Variants in TRHDE observed in about 807,000 individuals in gnomAD.
TRHDE encodes thyrotropin-releasing hormone-degrading ectoenzyme.
A neutral mutation model predicts 125.7 loss-of-function variants in TRHDE; 72 were observed. The observed-to-expected ratio is 0.57, with a 90% CI of 0.47 to 0.70. The LOEUF (loss-of-function observed/expected upper bound fraction) is 0.70. Among genes scored for constraint, TRHDE ranks in the 30% least tolerant of loss-of-function variants. The pLI, the probability that TRHDE is intolerant of heterozygous loss-of-function variation, is 0.00. For synonymous variants in TRHDE, 509 were observed against 509.1 expected (o/e 1.00, Z 0.00); for missense variants, 1,110 against 1,327.1 (o/e 0.84, Z 2.54).
chr12:72,322,614 G>GAT (rs969394632), intron 2 of TRHDE, among the ~76,000 whole-genome samples: 5 of 152,082 alleles, frequency 3.3e-5, no homozygotes, highest in African/African-American at 1.2e-4. Context: ...CAGGGACAAT[G>GAT]ATTCAGTATT....
intron 2 of TRHDE, among the ~76,000 whole-genome samples, chr12:72,114,795 G>A (rs867163029): frequency 2.0e-5 from 3 of 152,014 alleles, no homozygotes; most frequent in African/African-American, 7.2e-5. Context: ...GTAAGGAGGA[G>A]AACAGAGGCT....
intron 3 of TRHDE, among the ~76,000 whole-genome samples, chr12:72,383,295 C>T (rs1044158569): frequency 3.3e-5 from 5 of 151,138 alleles, no homozygotes; most frequent in African/African-American, 4.9e-5. Context: ...AAAAGCATAT[C>T]GATAACAATG....
At chr12:72,123,013 C>T (rs1341673055) in intron 2 of TRHDE, among the ~76,000 whole-genome samples, 1 of 152,060 alleles carries the variant, frequency 6.6e-6, no homozygotes, top group African/African-American at 2.4e-5. Context: ...AGTCCTAATC[C>T]CTGGTTGCAA....
At chr12:72,216,179 A>G (rs1877886749) in intron 2 of TRHDE, among the ~76,000 whole-genome samples, 1 of 152,172 alleles carries the variant, frequency 6.6e-6, no homozygotes, top group Non-Finnish European at 1.5e-5. Flanking sequence ...AAATCTAGTG[A>G]ATAAGGATAA....
chr12:72,413,235 T>C (rs1053822511), intron 3 of TRHDE, among the ~76,000 whole-genome samples: 2 of 151,976 alleles, frequency 1.3e-5, no homozygotes, highest in Admixed American at 6.6e-5. Context: ...TTCTTTTCAG[T>C]CTGTGTTTAT....
chr12:72,219,764 A>G (rs1248884736), intron 2 of TRHDE, among the ~76,000 whole-genome samples: 1 of 152,084 alleles, frequency 6.6e-6, no homozygotes, highest in Non-Finnish European at 1.5e-5. Flanking sequence ...TATTTATTTC[A>G]TGTGTGTGTT....
chr12:72,117,993 A>G (rs964936191), intron 2 of TRHDE, among the ~76,000 whole-genome samples: 1 of 151,796 alleles, frequency 6.6e-6, no homozygotes. Context: ...AGTTTTTCCA[A>G]ATATAAGATC....
chr12:72,354,953 A>G (rs1193068366), intron 2 of TRHDE, among the ~76,000 whole-genome samples: 4 of 151,436 alleles, frequency 2.6e-5, no homozygotes, highest in African/African-American at 4.8e-5. Flanking sequence ...GAATTTGCAG[A>G]GTAGAGTGGA....
At chr12:72,481,560 C>CTT (rs145153780) in intron 5 of TRHDE, among the ~76,000 whole-genome samples, 18 of 134,092 alleles carry the variant, frequency 1.3e-4, no homozygotes, top group African/African-American at 4.0e-4. Context: ...TCTCTACAGT[C>CTT]TTTTTTTTTT....
At chr12:72,525,390 CAA>C (rs1446761060) in intron 6 of TRHDE, among the ~76,000 whole-genome samples, 4 of 151,826 alleles carry the variant, frequency 2.6e-5, no homozygotes, top group Non-Finnish European at 5.9e-5. Flanking sequence ...CTAAAAATAT[CAA>C]GTCTTTTAAA....
intron 2 of TRHDE, among the ~76,000 whole-genome samples, chr12:72,315,632 G>C (rs568616315): frequency 2.6e-5 from 4 of 152,340 alleles, no homozygotes; most frequent in Admixed American, 2.6e-4. Flanking sequence ...GAGGCATATG[G>C]GCAGAGCTGC....
chr12:72,317,888 A>G (rs1018015040), intron 2 of TRHDE, among the ~76,000 whole-genome samples: 1 of 152,140 alleles, frequency 6.6e-6, no homozygotes, highest in Admixed American at 6.6e-5. Context: ...GCAGGGCTGA[A>G]GGGGCAGGAG....
intron 2 of TRHDE, among the ~76,000 whole-genome samples, chr12:72,128,719 G>A (rs988615706): frequency 6.6e-6 from 1 of 152,082 alleles, no homozygotes; most frequent in East Asian, 1.9e-4. Context: ...CTGTAGAAAC[G>A]CTCCAAAAGA....
At chr12:72,347,103 A>C (rs886666672) in intron 2 of TRHDE, among the ~76,000 whole-genome samples, 1 of 152,102 alleles carries the variant, frequency 6.6e-6, no homozygotes, top group African/African-American at 2.4e-5. Flanking sequence ...AATTAATTAC[A>C]TCTGCAATGA....
intron 6 of TRHDE, among the ~76,000 whole-genome samples, chr12:72,514,044 T>C (rs1878719278): frequency 6.6e-6 from 1 of 152,164 alleles, no homozygotes; most frequent in Admixed American, 6.6e-5. Flanking sequence ...ACCATCTTGG[T>C]ACACTGTGAA....
rs200824580 is a variant in TRHDE at position 72,272,922 on chromosome 12, C to T, written c.279C>T (p.Leu93=). Residue 93 remains leucine, a synonymous_variant, in exon 1 of 19, where the codon CTC becomes CTT. Transcript: ENST00000261180. This position sits in a 1 kb window ranked among gnomAD's most constrained non-coding sequence, Gnocchi z 6.7. ...KRLVLAFAVS[L]VALLAVTMLA... The stretch of plus-strand genomic sequence containing the variant: ...TTGTGCTGGCCTTCGCTGTGTCCCT[C>T]GTGGCATTGCTCGCGGTCACAATGC... 5 of 1,578,680 alleles carry T rather than the reference C, an allele frequency of 3.2e-6. No homozygotes were observed. In the Admixed American group the frequency reaches 7.0e-5, roughly 22 times the overall value.
Position 72,469,904 on chromosome 12 carries a change from T to C in TRHDE, c.1462T>C (p.Cys488Arg). 2 of 1,613,904 alleles carry C rather than the reference T, an allele frequency of 1.2e-6. No homozygotes were observed. The highest frequency in any genetic ancestry group is 1.7e-6 in the Non-Finnish European group (2 of 1,179,924). ...DVTMVIVHEI[C>R]HQWFGDLVTP... ...CACCATGGTCATTGTTCATGAGATA[T>C]GTCACCAGGTATGAGAAAAAGAATC... Residue 488 changes from cysteine (C) to arginine (R), a missense_variant, in exon 4 of 19, where the codon TGT becomes CGT. Physicochemically the swap from Cys to Arg is radical, Grantham distance 180. Around this residue, in one of 5 missense-constraint regions of TRHDE, gnomAD observed 252 missense variants for 274.8 expected, o/e 0.92. Coordinates refer to ENST00000261180, the MANE Select transcript of TRHDE (RefSeq NM_013381.3).
At chr12:72,117,217 G>A (rs968235210) in intron 2 of TRHDE, among the ~76,000 whole-genome samples, 1 of 152,096 alleles carries the variant, frequency 6.6e-6, no homozygotes, top group Non-Finnish European at 1.5e-5. Context: ...TTAGGTCTTA[G>A]AGTTAGGTTT....
intron 2 of TRHDE, among the ~76,000 whole-genome samples, chr12:72,210,489 T>C (rs2139361441): frequency 6.6e-6 from 1 of 152,282 alleles, no homozygotes; most frequent in Admixed American, 6.5e-5. Context: ...AGCAATAATG[T>C]TGTCCAAATA....
Sources: allele counts gnomAD v4.1 joint callset (sites outside exome capture counted in the v4.1 genomes callset), GRCh38; gene constraint gnomAD v4.1.1; regional missense constraint gnomAD v4.1.1; non-coding constraint Gnocchi (gnomAD v3.1); transcripts MANE v1.5; gene names NCBI Gene and HGNC (gene_info 2026-07-23, HGNC 2026-07-21).